RGP1: variants seen among roughly 807,000 people sequenced by gnomAD.
RGP1 encodes the protein RGP1 partner of RAB6A GEF complex.
In RGP1, 28 loss-of-function variants were observed where a neutral mutation model predicts 44.5. The observed-to-expected ratio is 0.63, with a 90% confidence interval of 0.47 to 0.86. RGP1 has a LOEUF of 0.86. RGP1 is among the 40% of genes least tolerant of loss of function. The pLI is 0.00. For synonymous variants in RGP1, 212 were observed against 196.7 expected, an observed-to-expected ratio of 1.08 and a Z score of -0.65; for missense variants, 417 against 490.7, an observed-to-expected ratio of 0.85 and a Z score of 1.42.
the RGP1 span, among the ~76,000 whole-genome samples, chr9:35,766,953 A>G: frequency 2.0e-5 from 3 of 152,246 alleles, no homozygotes; most frequent in South Asian, 6.2e-4. Flanking sequence ...TGTTTTTATT[A>G]TAATGAGCCT....
rs1827287157 is a variant in RGP1 at position 35,752,728 on chromosome 9, C to G, written c.1030C>G (p.Gln344Glu). The change falls in exon 9 of 9, where the codon CAG (glutamine) becomes GAG (glutamate). Residue 344 changes from glutamine (Q) to glutamate (E), a missense_variant. Coordinates refer to ENST00000378078, the MANE Select transcript of RGP1 (RefSeq NM_001080496.3). Reference sequence around the variant, plus strand: ...ATTGGTACTCCTACCCCCTGTGGAACAGCCCGAACCTACCACCTGGACAGG... The same window carrying G: ...ATTGGTACTCCTACCCCCTGTGGAAGAGCCCGAACCTACCACCTGGACAGG... ...PGLVLLPPVE[Q>E]PEPTTWTGPE... The G allele has an allele frequency of 4.3e-6, 7 of 1,613,656 alleles. No homozygotes were observed. The highest frequency in any genetic ancestry group is 5.1e-6 in the Non-Finnish European group (6 of 1,179,806).
At chr9:35,778,187 A>G in the RGP1 span, among the ~76,000 whole-genome samples, 3 of 152,280 alleles carry the variant, frequency 2.0e-5, no homozygotes, top group Admixed American at 6.5e-5. Flanking sequence ...CTGTAATCCC[A>G]GCTACTCGGG....
chr9:35,750,231 C>T lies in RGP1; in HGVS notation c.117-12C>T, dbSNP rs1303597765. 3 of 1,611,774 alleles carry T rather than the reference C, an allele frequency of 1.9e-6. No individual in the cohort carries two copies. In the South Asian group the frequency reaches 3.3e-5, roughly 18 times the overall value. On this transcript the variant is annotated splice_polypyrimidine_tract_variant and intron_variant, in intron 2 of 8. Coordinates refer to ENST00000378078, the MANE Select transcript of RGP1 (RefSeq NM_001080496.3). ...GAACTACCTCTGATGCCTCCTTTTC[C>T]TTTTCCCACAGTGAGGCCCTGGCCT... is the stretch of plus-strand genomic sequence containing the variant.
intron 3 of RGP1, 26 bp downstream of exon 3, chr9:35,750,405 G>C: frequency 6.2e-7 from 1 of 1,613,020 alleles, no homozygotes; most frequent in Non-Finnish European, 8.5e-7. Flanking sequence ...TTGCCTGGGA[G>C]AGGGGGGGTG....
chr9:35,788,396 T>C, the RGP1 span, among the ~76,000 whole-genome samples: 15 of 152,118 alleles, frequency 9.9e-5, no homozygotes, highest in African/African-American at 3.4e-4. Flanking sequence ...GGTGAAACGC[T>C]GTCTCTACTA....
chr9:35,785,420 CT>C, the RGP1 span, among the ~76,000 whole-genome samples: 30,668 of 111,108 alleles, frequency 0.28, 3,153 homozygotes, highest in East Asian at 0.39. Context: ...AGCAGCTGGG[CT>C]TTTTTTTTTT....
At chr9:35,762,466 G>A (rs941974979), downstream of RGP1, among the ~76,000 whole-genome samples, 1 of 152,168 alleles carries the variant, frequency 6.6e-6, no homozygotes, top group Admixed American at 6.5e-5. Flanking sequence ...GTCGGATGAG[G>A]TTTTAGACAT....
chr9:35,767,287 T>G, the RGP1 span, among the ~76,000 whole-genome samples: 1 of 149,474 alleles, frequency 6.7e-6, no homozygotes. Flanking sequence ...AAATTGGTTT[T>G]TTTTTTTTTT....
Position 35,751,421 on chromosome 9 carries a change from T to C in RGP1, c.634+9T>C. 1 of 1,613,954 alleles carries C rather than the reference T, an allele frequency of 6.2e-7. No homozygotes were observed. Among genetic ancestry groups the C allele is most frequent in the South Asian group, 1.1e-5 (1 of 91,074 alleles). On this transcript the variant is annotated intron_variant, in intron 6 of 8. Coordinates refer to ENST00000378078, the MANE Select transcript of RGP1 (RefSeq NM_001080496.3). ...ATCCTGCCGCAGCCTCCGTGAGAAT[T>C]CTTTCAGAATTGTCCTACCCCATCC...
chr9:35,775,294 C>G, the RGP1 span, among the ~76,000 whole-genome samples: 1 of 152,282 alleles, frequency 6.6e-6, no homozygotes, highest in South Asian at 2.1e-4. Flanking sequence ...AGAAGCCTTT[C>G]AAGGGAAGGT....
the RGP1 span, among the ~76,000 whole-genome samples, chr9:35,782,057 G>T: frequency 6.9e-6 from 1 of 145,498 alleles, no homozygotes; most frequent in African/African-American, 2.6e-5. Context: ...TGTGATCTCG[G>T]CTCACTGCAA....
At chr9:35,781,466 A>G in the RGP1 span, among the ~76,000 whole-genome samples, 2 of 151,296 alleles carry the variant, frequency 1.3e-5, no homozygotes, top group African/African-American at 4.9e-5. Context: ...CTTGGTTGCT[A>G]TAGTGATGAG....
chr9:35,761,974 T>TA (rs1827421940), downstream of RGP1, among the ~76,000 whole-genome samples: 1 of 151,998 alleles, frequency 6.6e-6, no homozygotes, highest in Non-Finnish European at 1.5e-5. Context: ...GTCAACATGG[T>TA]AAAACCCCCC....
the RGP1 span, among the ~76,000 whole-genome samples, chr9:35,770,435 A>T: frequency 6.7e-6 from 1 of 148,890 alleles, no homozygotes; most frequent in African/African-American, 2.5e-5. Flanking sequence ...TGGACTGGTG[A>T]TTCATTCTTG....
chr9:35,789,539 A>G, the RGP1 span, among the ~76,000 whole-genome samples: 1 of 151,460 alleles, frequency 6.6e-6, no homozygotes, highest in Non-Finnish European at 1.5e-5. Context: ...CCTACTTTCT[A>G]GTTAACTGGC....
the RGP1 span, among the ~76,000 whole-genome samples, chr9:35,765,982 C>G: frequency 6.6e-6 from 1 of 151,248 alleles, no homozygotes; most frequent in Non-Finnish European, 1.5e-5. Context: ...CTACAGGTAC[C>G]CGTCCCCATA....
intron 6 of RGP1, 86 bp downstream of exon 6, chr9:35,751,498 T>G: frequency 6.3e-7 from 1 of 1,596,698 alleles, no homozygotes; most frequent in Non-Finnish European, 8.6e-7. Context: ...CACCACACAC[T>G]TCTGTGGATC....
At chr9:35,789,872 G>A in the RGP1 span, among the ~76,000 whole-genome samples, 112 of 152,276 alleles carry the variant, frequency 7.4e-4, no homozygotes, top group Non-Finnish European at 1.1e-3. Context: ...ATGTGGGATT[G>A]GGGGAGAGGA....
Position 35,749,423 on chromosome 9 carries a change from T to C in RGP1, c.-20+15T>C. 1.7e-6 allele frequency: 1 copy of C among 573,004 alleles called. No homozygotes were observed. The highest frequency in any genetic ancestry group is 3.5e-6 in the Non-Finnish European group (1 of 285,914). 35.5% of individuals were successfully genotyped at this position (573,004 alleles called of 1,614,324 possible). On this transcript the variant is annotated intron_variant, in intron 1 of 8. Transcript: ENST00000378078. This position sits in a 1 kb window ranked among gnomAD's most constrained non-coding sequence, Gnocchi z 4.4. ...GACTATGCGAGGTGACTAGCGGCGGTGATCTTGGGCTGGGACGTGGAACTT... is the reference window on the plus strand; with the variant it reads ...GACTATGCGAGGTGACTAGCGGCGGCGATCTTGGGCTGGGACGTGGAACTT...
Sources: allele counts gnomAD v4.1 joint callset (sites outside exome capture counted in the v4.1 genomes callset), GRCh38; gene constraint gnomAD v4.1.1; non-coding constraint Gnocchi (gnomAD v3.1); transcripts MANE v1.5; gene names NCBI Gene and HGNC (gene_info 2026-07-23, HGNC 2026-07-21).